CAMKK2: variants seen among roughly 807,000 people sequenced by gnomAD.
CAMKK2 encodes the protein calcium/calmodulin-dependent protein kinase kinase 2.
CAMKK2 carries 30 observed loss-of-function variants against 67.2 expected under a neutral mutation model. The ratio of observed to expected loss-of-function variants is 0.45; its 90% confidence interval spans 0.33 to 0.61. The LOEUF (loss-of-function observed/expected upper bound fraction) is 0.61. CAMKK2 is among the 20% of genes least tolerant of loss of function. The pLI, the probability that CAMKK2 is intolerant of heterozygous loss-of-function variation, is 0.02. For synonymous variants in CAMKK2, 322 were observed against 326.2 expected, an observed-to-expected ratio of 0.99 and a Z score of 0.14; for missense variants, 643 against 802.0, an observed-to-expected ratio of 0.80 and a Z score of 2.39.
At position 121,239,580 on chromosome 12, in the gene CAMKK2, C is replaced by T. The variant is rs199621836; in HGVS notation, c.*1119G>A. 1.3e-5 allele frequency: 2 copies of T among 152,198 alleles called. No homozygotes were observed. The highest frequency in any genetic ancestry group is 2.9e-5 in the Non-Finnish European group (2 of 68,028). 9.4% of individuals were successfully genotyped at this position (152,198 alleles called of 1,614,324 possible). ...CATTTGTGTGTTGGTCCAGTGAAAG[C>T]ATTTCCCACCTGGCCCTCCAGAAAC... On this transcript the variant is annotated 3_prime_UTR_variant, in exon 17 of 17. Coordinates refer to ENST00000404169, the MANE Select transcript of CAMKK2 (RefSeq NM_001270485.2).
At chr12:121,270,970 C>A in intron 2 of CAMKK2, 25 bp from the exon 3 acceptor site, 2 of 1,608,130 alleles carry the variant, frequency 1.2e-6, no homozygotes, top group Non-Finnish European at 1.7e-6. Context: ...GAGACACGTG[C>A]AAAATGAATT....
rs550562810 is a variant in CAMKK2, at chr12:121,281,784, T to C, written c.-59-7199A>G. Among the ~76,000 whole-genome samples, 10 of 152,208 alleles carry C rather than the reference T, an allele frequency of 6.6e-5. No individual in the cohort carries two copies. In the East Asian group the frequency reaches 1.9e-3, roughly 29 times the overall value. The stretch of plus-strand genomic sequence containing the variant: ...CCAAATGGTGAAACCCCGTCTCTAC[T>C]AAAAATACAAAAATAGCCAGGTGTG... On this transcript the variant is annotated intron_variant, in intron 1 of 16. Coordinates refer to ENST00000404169, the MANE Select transcript of CAMKK2 (RefSeq NM_001270485.2).
intron 1 of CAMKK2, among the ~76,000 whole-genome samples, chr12:121,278,880 C>T (rs1381061244): frequency 6.6e-6 from 1 of 152,194 alleles, no homozygotes; most frequent in Admixed American, 6.5e-5. Context: ...AATGTCCAAG[C>T]GAGCTGGCCT....
intron 10 of CAMKK2, 53 bp from the exon 11 acceptor site, chr12:121,252,767 T>G: frequency 1.9e-6 from 3 of 1,580,482 alleles, no homozygotes; most frequent in South Asian, 2.2e-5. Flanking sequence ...CAGCCTCCAA[T>G]CCTCCAGTTT....
chr12:121,244,731 G>A (rs1889085036), intron 15 of CAMKK2, 116 bp from the exon 16 acceptor site: 6 of 843,298 alleles, frequency 7.1e-6, no homozygotes, highest in African/African-American at 5.1e-5. Context: ...CATAGAGCTG[G>A]AGCCAGGGTG....
At position 121,274,467 on chromosome 12, in the gene CAMKK2, C is replaced by A; in HGVS notation, c.60G>T (p.Leu20=). The A allele has an allele frequency of 6.2e-7, 1 of 1,612,930 alleles. No homozygotes were observed. Among genetic ancestry groups the A allele is most frequent in the Non-Finnish European group, 8.5e-7 (1 of 1,179,930 alleles). Residue 20 remains leucine (L), a synonymous_variant, in exon 2 of 17, where the codon CTG becomes CTT. Coordinates refer to ENST00000404169, the MANE Select transcript of CAMKK2 (RefSeq NM_001270485.2). ...CGCTGCTGCTGCTGCCCCTGCCCCC[C>A]AGCTCATCCTGGGGGGCGGCCCGGT... is the stretch of plus-strand genomic sequence containing the variant. ...SSNRAAPQDE[L]GGRGSSSSES... is the part of the protein sequence containing the mutation.
At chr12:121,255,236 T>TATATATAATTA (rs1566058215) in intron 9 of CAMKK2, among the ~76,000 whole-genome samples, 1 of 3,226 alleles carries the variant, frequency 3.1e-4, no homozygotes, top group African/African-American at 1.6e-3. Flanking sequence ...ATATATAATT[T>TATATATAATTA]TATATATATA....
intron 6 of CAMKK2, among the ~76,000 whole-genome samples, chr12:121,262,889 T>C (rs1354234359): frequency 1.3e-5 from 2 of 152,154 alleles, no homozygotes; most frequent in East Asian, 3.9e-4. Flanking sequence ...ATAGTTTAAA[T>C]TTTCTCAGTT....
intron 7 of CAMKK2, among the ~76,000 whole-genome samples, chr12:121,259,485 C>T (rs1893015854): frequency 6.6e-6 from 1 of 152,092 alleles, no homozygotes; most frequent in Non-Finnish European, 1.5e-5. Flanking sequence ...ATCTGGGGTC[C>T]CAAGTGAGAG....
intron 16 of CAMKK2, 77 bp downstream of exon 16, chr12:121,244,496 G>T: frequency 7.4e-7 from 1 of 1,351,666 alleles, no homozygotes; most frequent in Non-Finnish European, 1.0e-6. Context: ...GGGTGGGGAT[G>T]CCCCCGTGCT....
Position 121,245,310 on chromosome 12 carries a change from C to T in CAMKK2, c.1453-70G>A. 1 of 921,912 alleles carries T rather than the reference C, an allele frequency of 1.1e-6. No individual in the cohort carries two copies. The highest frequency in any genetic ancestry group is 1.7e-6 in the Non-Finnish European group (1 of 574,060). The allele number at this position is 921,912 out of a possible 1,614,324, so 57.1% of individuals were successfully genotyped here. A position where few individuals can be genotyped will look rare whatever the true frequency, so the allele number is the denominator to read the frequency against. On this transcript the variant is annotated intron_variant, in intron 14 of 16. Transcript: ENST00000404169. The surrounding 1 kb of genome is among the most constrained non-coding windows in gnomAD (Gnocchi z 5.8). Reference sequence around the variant, plus strand: ...TGTGGGGGCGATTCTGGGCAACATCCTCCCTCTTCCTTCTCCCCAGCCCCT... The same window carrying T: ...TGTGGGGGCGATTCTGGGCAACATCTTCCCTCTTCCTTCTCCCCAGCCCCT...
At chr12:121,247,105 G>A (rs371651621) in intron 14 of CAMKK2, among the ~76,000 whole-genome samples, 18 of 151,804 alleles carry the variant, frequency 1.2e-4, no homozygotes, top group African/African-American at 4.4e-4. Context: ...TGCTTCAGTG[G>A]CCCCACCCAG....
chr12:121,274,488 C>G lies in CAMKK2; in HGVS notation c.39G>C (p.Arg13=), dbSNP rs1452844058. Reference sequence around the variant, plus strand: ...CCCCCAGCTCATCCTGGGGGGCGGCCCGGTTGCTGCTGGGCTGGCTAGAGA... The same window carrying G: ...CCCCCAGCTCATCCTGGGGGGCGGCGCGGTTGCTGCTGGGCTGGCTAGAGA... ...SCVSSQPSSN[R]AAPQDELGGR... The change falls in exon 2 of 17, where the codon CGG becomes CGC. Residue 13 remains arginine, a synonymous_variant. Transcript: ENST00000404169. 2.5e-6 allele frequency: 4 copies of G among 1,612,410 alleles called. No homozygotes were observed. Among genetic ancestry groups the G allele is most frequent in the East Asian group, 4.5e-5 (2 of 44,876 alleles).
At chr12:121,268,103 CT>C (rs1566091878) in intron 5 of CAMKK2, among the ~76,000 whole-genome samples, 1 of 56,348 alleles carries the variant, frequency 1.8e-5, no homozygotes, top group Non-Finnish European at 3.3e-5. Context: ...TATATATACT[CT>C]ATTCATATTA....
chr12:121,268,594 T>C (rs1895105197), intron 5 of CAMKK2, 44 bp downstream of exon 5: 8 of 1,582,658 alleles, frequency 5.1e-6, no homozygotes, highest in Non-Finnish European at 6.9e-6. Flanking sequence ...TGCCCTGTCT[T>C]GTCCCAGCCC....
chr12:121,284,665 A>G (rs991846750), intron 1 of CAMKK2, among the ~76,000 whole-genome samples: 3 of 152,214 alleles, frequency 2.0e-5, no homozygotes, highest in African/African-American at 7.2e-5. Flanking sequence ...TTACAGGCAT[A>G]GCCCTGCCAT....
chr12:121,239,353 C>G lies in CAMKK2; in HGVS notation c.*1346G>C, dbSNP rs200853654. 2 of 152,274 alleles carry G rather than the reference C, an allele frequency of 1.3e-5. No homozygotes were observed. The highest frequency in any genetic ancestry group is 1.3e-4 in the Admixed American group (2 of 15,292). 9.4% of individuals were successfully genotyped at this position (152,274 alleles called of 1,614,324 possible). Reference sequence around the variant, plus strand: ...TCTGGAAGGAGTCACACTTGAACCTCAACCAAACTTCCCAATATCAGTTGG... The same window carrying G: ...TCTGGAAGGAGTCACACTTGAACCTGAACCAAACTTCCCAATATCAGTTGG... On this transcript the variant is annotated 3_prime_UTR_variant, in exon 17 of 17. Coordinates refer to ENST00000404169, the MANE Select transcript of CAMKK2 (RefSeq NM_001270485.2).
rs1379239160 is a variant in CAMKK2, at chr12:121,255,639, C to T, written c.819-1G>A. 6.2e-7 allele frequency: 1 copy of T among 1,612,486 alleles called. No homozygotes were observed. The highest frequency in any genetic ancestry group is 1.7e-5 in the Admixed American group (1 of 59,742). ...GAGGGTGGGCACTTCCATCACGGGC[C>T]TGAAAGGTCGACACTCATGTGAAAC... On this transcript the variant is annotated splice_acceptor_variant, in intron 8 of 16. Coordinates refer to ENST00000404169, the MANE Select transcript of CAMKK2 (RefSeq NM_001270485.2). LOFTEE classifies it high-confidence loss of function.
chr12:121,255,205 ATTATATATATAATT>A (rs1330498058), intron 9 of CAMKK2, among the ~76,000 whole-genome samples: 4 of 50,166 alleles, frequency 8.0e-5, no homozygotes, highest in African/African-American at 1.5e-4. Flanking sequence ...TATATATATA[ATTATATATATAATT>A]TTATATATAT....
Sources: allele counts gnomAD v4.1 joint callset (sites outside exome capture counted in the v4.1 genomes callset), GRCh38; gene constraint gnomAD v4.1.1; non-coding constraint Gnocchi (gnomAD v3.1); transcripts MANE v1.5; gene names NCBI Gene and HGNC (gene_info 2026-07-23, HGNC 2026-07-21).